The following PFKP variants were observed in gnomAD, a reference collection of about 807,000 sequenced individuals.
PFKP encodes phosphofructokinase, platelet.
A neutral mutation model predicts 94.3 loss-of-function variants in PFKP; 101 were observed. The observed-to-expected ratio is 1.07, with a 90% confidence interval of 0.91 to 1.26. The LOEUF (loss-of-function observed/expected upper bound fraction) is 1.26. PFKP is among the 50% of genes most tolerant of loss of function. The probability of loss-of-function intolerance (pLI) is 0.00; values close to 1 mark genes in which losing one functional copy is unlikely to be tolerated. For synonymous variants in PFKP, 573 were observed against 432.6 expected (o/e 1.32, Z -4.03); for missense variants, 1,145 against 1,103.3 (o/e 1.04, Z -0.53).
chr10:3,109,453 C>A lies in PFKP; in HGVS notation c.1062C>A (p.Arg354=). The A allele has an allele frequency of 6.2e-7, 1 of 1,606,896 alleles. No individual in the cohort carries two copies. The highest frequency in any genetic ancestry group is 8.5e-7 in the Non-Finnish European group (1 of 1,179,892). ...VVSLNGNHAV[R]LPLMECVQMT... ...CACTGAACGGGAACCACGCCGTGCG[C>A]CTGCCGCTGATGGAGTGCGTGCAGA... is the stretch of plus-strand genomic sequence containing the variant. The change falls in exon 10 of 22, where the codon CGC becomes CGA. Residue 354 remains arginine, a synonymous_variant. Coordinates refer to ENST00000381125, the MANE Select transcript of PFKP (RefSeq NM_002627.5).
At chr10:3,113,700 C>T (rs912328468) in intron 13 of PFKP, among the ~76,000 whole-genome samples, 182 bp downstream of exon 13, 3 of 151,646 alleles carry the variant, frequency 2.0e-5, no homozygotes, top group African/African-American at 7.3e-5. Context: ...GGTTTCAGGC[C>T]CTCAGATGGA....
At chr10:3,075,435 G>A (rs1430451088) in intron 1 of PFKP, among the ~76,000 whole-genome samples, 1 of 151,730 alleles carries the variant, frequency 6.6e-6, no homozygotes, top group Non-Finnish European at 1.5e-5. Flanking sequence ...TTCCAGAGCG[G>A]CTTCCCTCTG....
chr10:3,108,968 T>G (rs1835895502), intron 9 of PFKP, among the ~76,000 whole-genome samples, 175 bp downstream of exon 9: 1 of 152,096 alleles, frequency 6.6e-6, no homozygotes, highest in Non-Finnish European at 1.5e-5. Context: ...TCTCTAGGCC[T>G]GCAGCCATTC....
intron 1 of PFKP, among the ~76,000 whole-genome samples, chr10:3,069,741 A>T (rs1832044197): frequency 6.6e-6 from 1 of 152,170 alleles, no homozygotes; most frequent in Non-Finnish European, 1.5e-5. Flanking sequence ...AAGAAAAAAA[A>T]TTAAGATACT....
intron 1 of PFKP, among the ~76,000 whole-genome samples, chr10:3,081,889 T>C (rs574594806): frequency 6.6e-6 from 1 of 152,104 alleles, no homozygotes; most frequent in South Asian, 2.1e-4. Context: ...TTTATCTTCA[T>C]GAGGTATGGT....
chr10:3,090,649 G>A (rs1564283693), intron 2 of PFKP, among the ~76,000 whole-genome samples: 2 of 151,944 alleles, frequency 1.3e-5, no homozygotes, highest in Non-Finnish European at 1.5e-5. Context: ...ATTCTTGGTG[G>A]GCGGTCCTTT....
At chr10:3,087,292 C>A (rs184622370) in intron 2 of PFKP, among the ~76,000 whole-genome samples, 1 of 152,236 alleles carries the variant, frequency 6.6e-6, no homozygotes, top group African/African-American at 2.4e-5. Context: ...AGGTAAAACC[C>A]ATATGTTCTC....
chr10:3,108,861 C>G, intron 9 of PFKP, 68 bp downstream of exon 9: 1 of 1,136,376 alleles, frequency 8.8e-7, no homozygotes. Context: ...GAGGCACAGG[C>G]ACCAGCCGGC....
chr10:3,099,307 C>T lies in PFKP; in HGVS notation c.219C>T (p.Asn73=), dbSNP rs768007802. 2.5e-6 allele frequency: 4 copies of T among 1,614,174 alleles called. No individual in the cohort carries two copies. The South Asian group carries it at 4.4e-5, about 18-fold the overall frequency. ...GYQGMVDGGS[N]IAEADWESVS... ...AGGGCATGGTGGACGGAGGCTCAAACATCGCAGAGGCCGACTGGGAGAGTG... is the reference window on the plus strand; with the variant it reads ...AGGGCATGGTGGACGGAGGCTCAAATATCGCAGAGGCCGACTGGGAGAGTG... The change falls in exon 3 of 22, where the codon AAC becomes AAT. Residue 73 remains asparagine (N), a synonymous_variant. Transcript: ENST00000381125.
intron 2 of PFKP, among the ~76,000 whole-genome samples, chr10:3,097,400 A>G (rs1028004069): frequency 6.6e-6 from 1 of 152,094 alleles, no homozygotes; most frequent in Non-Finnish European, 1.5e-5. Flanking sequence ...GGGGACGGCT[A>G]CACTGGGCTC....
chr10:3,094,570 A>C (rs1485820451), intron 2 of PFKP, among the ~76,000 whole-genome samples: 1 of 151,930 alleles, frequency 6.6e-6, no homozygotes, highest in Admixed American at 6.6e-5. Flanking sequence ...AGGGCTTGGG[A>C]TGTGTGTTGG....
intron 1 of PFKP, 50 bp from the exon 2 acceptor site, chr10:3,082,338 C>T (rs1833146885): frequency 1.4e-6 from 2 of 1,421,636 alleles, no homozygotes; most frequent in Non-Finnish European, 1.9e-6. Context: ...GTGGCAGAGC[C>T]AGAATTACCC....
chr10:3,122,803 A>AT (rs1220961313), intron 16 of PFKP, among the ~76,000 whole-genome samples: 3 of 152,054 alleles, frequency 2.0e-5, no homozygotes, highest in African/African-American at 7.2e-5. Flanking sequence ...AGGGGTGGTG[A>AT]TTTTGCCCCA....
At chr10:3,131,640 TAG>T (rs951775953) in intron 17 of PFKP, among the ~76,000 whole-genome samples, 3 of 152,052 alleles carry the variant, frequency 2.0e-5, no homozygotes, top group Admixed American at 2.0e-4. Context: ...GTATTTTTAG[TAG>T]AGACGGGGGT....
intron 4 of PFKP, among the ~76,000 whole-genome samples, chr10:3,102,245 T>A: frequency 2.6e-5 from 1 of 38,918 alleles, no homozygotes; most frequent in East Asian, 5.7e-4. Flanking sequence ...AGCGAGACTC[T>A]GTCTCAAAAA....
intron 16 of PFKP, among the ~76,000 whole-genome samples, chr10:3,124,867 C>T (rs1837767620): frequency 6.6e-6 from 1 of 152,206 alleles, no homozygotes; most frequent in African/African-American, 2.4e-5. Context: ...TGCCTGCAGG[C>T]ACCCCCTTTC....
chr10:3,127,091 A>G (rs1838038453), intron 16 of PFKP, among the ~76,000 whole-genome samples: 1 of 152,244 alleles, frequency 6.6e-6, no homozygotes, highest in Admixed American at 6.5e-5. Context: ...TGCTGCTTTG[A>G]CTAATTGCCT....
In PFKP at chr10:3,101,382, C is replaced by T. The variant is rs1185696365; in HGVS notation, c.282C>T (p.Gly94=). The T allele has an allele frequency of 8.8e-6, 14 of 1,592,560 alleles. No homozygotes were observed. The highest frequency in any genetic ancestry group is 1.1e-5 in the Non-Finnish European group (13 of 1,169,728). Residue 94 remains glycine, a synonymous_variant, in exon 4 of 22, where the codon GGC becomes GGT. Coordinates refer to ENST00000381125, the MANE Select transcript of PFKP (RefSeq NM_002627.5). Reference sequence around the variant, plus strand: ...TTTCCCAGGGCGGGACGATCATTGGCAGTGCGCGGTGCCAGGCCTTCCGCA... The same window carrying T: ...TTTCCCAGGGCGGGACGATCATTGGTAGTGCGCGGTGCCAGGCCTTCCGCA... ...SILQVGGTII[G]SARCQAFRTR... is the part of the protein sequence containing the mutation.
intron 10 of PFKP, among the ~76,000 whole-genome samples, chr10:3,110,919 CGT>C (rs1159580290): frequency 3.6e-4 from 53 of 147,554 alleles, no homozygotes; most frequent in Admixed American, 1.7e-3. Flanking sequence ...CATGTTTGTA[CGT>C]GTGTGCATGT....
Sources: gnomAD v4.1 joint callset for allele counts (sites outside exome capture counted in the v4.1 genomes callset) on GRCh38, gnomAD v4.1.1 for gene constraint, MANE v1.5 for transcripts, NCBI Gene and HGNC (gene_info 2026-07-23, HGNC 2026-07-21) for gene names.